UGT8: variants seen among roughly 807,000 people sequenced by gnomAD.
UGT8 encodes the protein UDP glycosyltransferase 8.
In UGT8, 12 loss-of-function variants were observed where a neutral mutation model predicts 40.5. That is an observed-to-expected ratio of 0.30 (90% CI 0.19 to 0.48). UGT8 has a LOEUF of 0.48. UGT8 is among the 20% of genes least tolerant of loss of function. The pLI, the probability that UGT8 is intolerant of heterozygous loss-of-function variation, is 0.99. For missense variants in UGT8, 513 were observed against 648.7 expected (o/e 0.79, Z 2.27); for synonymous variants, 224 against 240.4 (o/e 0.93, Z 0.63).
At position 114,638,242 on chromosome 4, in the gene UGT8, T is replaced by C. The variant is rs146135800; in HGVS notation, c.822+14540T>C. Among the ~76,000 whole-genome samples the C allele has an allele frequency of 1.9e-4, 29 of 152,270 alleles. 1 individual carries two copies. In the East Asian group the frequency reaches 4.8e-3, roughly 25 times the overall value. On this transcript the variant is annotated intron_variant, in intron 2 of 5. Transcript: ENST00000310836. ...AGAACACAGTTGATTTTTGCCCTCA[T>C]TGAACTACGAATCCCATTATTCAAC... is the stretch of plus-strand genomic sequence containing the variant.
intron 2 of UGT8, among the ~76,000 whole-genome samples, chr4:114,635,210 G>A (rs1732815697): frequency 6.6e-6 from 1 of 152,022 alleles, no homozygotes; most frequent in African/African-American, 2.4e-5. Flanking sequence ...AATTAGCTGA[G>A]CATGGTGGCA....
Position 114,675,846 on chromosome 4 carries a change from C to T in UGT8, c.1263-79C>T. On this transcript the variant is annotated intron_variant, in intron 5 of 5. Transcript: ENST00000310836. Reference sequence around the variant, plus strand: ...AAGAATAGTTGTTTTAATTATTTCCCCTTTTTAAATGAAGATATGCATAAA... The same window carrying T: ...AAGAATAGTTGTTTTAATTATTTCCTCTTTTTAAATGAAGATATGCATAAA... 3 of 1,489,450 alleles carry T rather than the reference C, an allele frequency of 2.0e-6. No individual in the cohort carries two copies. The South Asian group carries it at 4.2e-5, about 21-fold the overall frequency. The allele number at this position is 1,489,450 out of a possible 1,614,324, so 92.3% of individuals were successfully genotyped here. A position where few individuals can be genotyped will look rare whatever the true frequency, so the allele number is the denominator to read the frequency against.
intron 1 of UGT8, among the ~76,000 whole-genome samples, chr4:114,617,457 T>C (rs1333407236): frequency 6.6e-6 from 1 of 152,152 alleles, no homozygotes. Flanking sequence ...AAAGCAAGCA[T>C]AGAAATAATT....
At chr4:114,618,147 T>C (rs1731557102) in intron 1 of UGT8, among the ~76,000 whole-genome samples, 1 of 152,210 alleles carries the variant, frequency 6.6e-6, no homozygotes, top group African/African-American at 2.4e-5. Context: ...TTTGAAGTTC[T>C]ATAATTTTCC....
chr4:114,674,711 T>G (rs1735511056), intron 5 of UGT8, among the ~76,000 whole-genome samples: 1 of 152,256 alleles, frequency 6.6e-6, no homozygotes, highest in South Asian at 2.1e-4. Flanking sequence ...TGATTTAGTT[T>G]ACACTCTTCT....
intron 2 of UGT8, among the ~76,000 whole-genome samples, chr4:114,640,525 A>G (rs1733157110): frequency 6.6e-6 from 1 of 152,094 alleles, no homozygotes; most frequent in Non-Finnish European, 1.5e-5. Context: ...ATTTAATTCA[A>G]AGACATATGC....
chr4:114,625,470 C>T (rs1033831823), intron 2 of UGT8, among the ~76,000 whole-genome samples: 2 of 139,510 alleles, frequency 1.4e-5, no homozygotes, highest in Non-Finnish European at 3.0e-5. Context: ...GAGATCACAC[C>T]ACTACACTCC....
intron 2 of UGT8, among the ~76,000 whole-genome samples, chr4:114,637,417 G>A (rs1231533465): frequency 1.3e-5 from 2 of 152,132 alleles, no homozygotes; most frequent in African/African-American, 4.8e-5. Flanking sequence ...ATACATTTTA[G>A]GAAGTAATGA....
In UGT8 at chr4:114,664,131, T is replaced by C. The variant is rs764723184; in HGVS notation, c.959T>C (p.Ile320Thr). The C allele has an allele frequency of 6.2e-7, 1 of 1,613,628 alleles. No individual in the cohort carries two copies. Among genetic ancestry groups the C allele is most frequent in the East Asian group, 2.2e-5 (1 of 44,856 alleles). ...GALGRLPQKV[I>T]WRFSGPKPKN... ...CTGGGGAGATTGCCTCAAAAAGTGATTTGGAGGTAAGGTAATAATGTAGAT... is the reference window on the plus strand; with the variant it reads ...CTGGGGAGATTGCCTCAAAAAGTGACTTGGAGGTAAGGTAATAATGTAGAT... The change falls in exon 3 of 6, where the codon ATT (isoleucine) becomes ACT (threonine). Residue 320 changes from isoleucine (I) to threonine (T), a missense_variant. This residue lies in a region of UGT8 where 335 missense variants were observed against 444.8 expected (regional missense o/e 0.75). Coordinates refer to ENST00000310836, the MANE Select transcript of UGT8 (RefSeq NM_001128174.3).
intron 1 of UGT8, among the ~76,000 whole-genome samples, chr4:114,602,559 G>A (rs1730503511): frequency 6.6e-6 from 1 of 152,174 alleles, no homozygotes; most frequent in African/African-American, 2.4e-5. Context: ...TTTGTTAAAA[G>A]CATACTGTGT....
chr4:114,672,734 G>T (rs1348685261), intron 5 of UGT8, among the ~76,000 whole-genome samples: 1 of 152,144 alleles, frequency 6.6e-6, no homozygotes, highest in Non-Finnish European at 1.5e-5. Flanking sequence ...CATGGCACAT[G>T]TATACCTATG....
chr4:114,623,324 T>C lies in UGT8; in HGVS notation c.444T>C (p.Ala148=). The change falls in exon 2 of 6, where the codon GCT becomes GCC. Residue 148 remains alanine, a synonymous_variant. Transcript: ENST00000310836. ...DPNDMCGFVI[A]HLLGVKYAVF... ...ATGATATGTGTGGATTTGTGATAGCTCATCTTTTAGGGGTTAAATATGCTG... is the reference window on the plus strand; with the variant it reads ...ATGATATGTGTGGATTTGTGATAGCCCATCTTTTAGGGGTTAAATATGCTG... 1.2e-6 allele frequency: 2 copies of C among 1,614,170 alleles called. No individual in the cohort carries two copies. Among genetic ancestry groups the C allele is most frequent in the South Asian group, 1.1e-5 (1 of 91,084 alleles).
Position 114,623,706 on chromosome 4 carries a change from A to G in UGT8, c.822+4A>G. 1 of 1,573,726 alleles carries G rather than the reference A, an allele frequency of 6.4e-7. No individual in the cohort carries two copies. The highest frequency in any genetic ancestry group is 8.6e-7 in the Non-Finnish European group (1 of 1,161,214). On this transcript the variant is annotated splice_donor_region_variant and intron_variant, in intron 2 of 5. Transcript: ENST00000310836. ...ACCAGCCAGCCCACTACCAGAAGTAAGGTTTGCCGAATTCCTTGGTAATTC... is the reference window on the plus strand; with the variant it reads ...ACCAGCCAGCCCACTACCAGAAGTAGGGTTTGCCGAATTCCTTGGTAATTC...
chr4:114,651,246 G>A (rs1474674861), intron 2 of UGT8, among the ~76,000 whole-genome samples: 3 of 151,726 alleles, frequency 2.0e-5, no homozygotes, highest in Non-Finnish European at 2.9e-5. Context: ...ATTTTCCTGT[G>A]AAGTTACATA....
Position 114,678,171 on chromosome 4 carries a change from TAA to T in UGT8, c.*1884_*1885del, listed in dbSNP as rs1735765327. The T allele has an allele frequency of 6.6e-6, 1 of 152,214 alleles. No individual in the cohort carries two copies. Among genetic ancestry groups the T allele is most frequent in the Non-Finnish European group, 1.5e-5 (1 of 68,038 alleles). The allele number at this position is 152,214 out of a possible 1,614,324, so 9.4% of individuals were successfully genotyped here. A position where few individuals can be genotyped will look rare whatever the true frequency, so the allele number is the denominator to read the frequency against. ...TAGGCACTGATTGGATGATTAAACA[TAA>T]GTTAATCTCCACTGTGATAAAAACT... On this transcript the variant is annotated 3_prime_UTR_variant, in exon 6 of 6. Coordinates refer to ENST00000310836, the MANE Select transcript of UGT8 (RefSeq NM_001128174.3).
chr4:114,643,619 G>C (rs1404286752), intron 2 of UGT8, among the ~76,000 whole-genome samples: 1 of 152,026 alleles, frequency 6.6e-6, no homozygotes, highest in Non-Finnish European at 1.5e-5. Context: ...GTATGTATTT[G>C]GCATTATGCA....
At chr4:114,674,866 T>C (rs1005311969) in intron 5 of UGT8, among the ~76,000 whole-genome samples, 52 of 152,242 alleles carry the variant, frequency 3.4e-4, no homozygotes, top group African/African-American at 1.3e-3. Flanking sequence ...ACTTCAGTCA[T>C]GAATTCATGC....
At chr4:114,636,399 C>CTAA (rs1326692334) in intron 2 of UGT8, among the ~76,000 whole-genome samples, 1 of 152,132 alleles carries the variant, frequency 6.6e-6, no homozygotes, top group Non-Finnish European at 1.5e-5. Context: ...CTAAGAATTG[C>CTAA]TAATTAGAAA....
intron 2 of UGT8, among the ~76,000 whole-genome samples, chr4:114,656,511 A>G (rs1734195675): frequency 1.3e-5 from 2 of 152,172 alleles, no homozygotes; most frequent in Admixed American, 1.3e-4. Context: ...TTATCCTTTC[A>G]AAGACTTAGA....
Sources: gnomAD v4.1 joint callset for allele counts (sites outside exome capture counted in the v4.1 genomes callset) on GRCh38, gnomAD v4.1.1 for gene constraint, gnomAD v4.1.1 regional missense constraint, MANE v1.5 for transcripts, NCBI Gene and HGNC (gene_info 2026-07-23, HGNC 2026-07-21) for gene names.